Variants in SNAP25 observed in about 807,000 individuals in gnomAD.
SNAP25 encodes synaptosomal-associated protein 25.
In SNAP25, 3 loss-of-function variants were observed where a neutral mutation model predicts 28.7. The ratio of observed to expected loss-of-function variants is 0.10; its 90% CI spans 0.05 to 0.27. The LOEUF (loss-of-function observed/expected upper bound fraction) is 0.27. Ranked by LOEUF, SNAP25 falls within the 10% of genes least tolerant of loss-of-function variation. The pLI is 1.00. For missense variants in SNAP25, 117 were observed against 278.7 expected, an observed-to-expected ratio of 0.42 and a Z score of 4.13; for synonymous variants, 61 against 88.1, an observed-to-expected ratio of 0.69 and a Z score of 1.72.
chr20:10,277,030 A>G (rs1397942866), intron 2 of SNAP25, among the ~76,000 whole-genome samples: 2 of 152,204 alleles, frequency 1.3e-5, no homozygotes, highest in African/African-American at 4.8e-5. Context: ...TGGTTGTTGG[A>G]TTCTAGTCGT....
intron 1 of SNAP25, among the ~76,000 whole-genome samples, chr20:10,272,356 C>G (rs1402300194): frequency 6.6e-6 from 1 of 152,188 alleles, no homozygotes; most frequent in African/African-American, 2.4e-5. Flanking sequence ...CTTCTGAGCG[C>G]CAGAGCCAGC....
intron 4 of SNAP25, among the ~76,000 whole-genome samples, chr20:10,292,006 C>G (rs362593): frequency 1.6e-4 from 24 of 152,326 alleles, no homozygotes; most frequent in African/African-American, 5.8e-4. Flanking sequence ...ATTTTTATGA[C>G]TATTGATCTA....
At chr20:10,270,497 G>A (rs9631157) in intron 1 of SNAP25, among the ~76,000 whole-genome samples, 36 of 152,112 alleles carry the variant, frequency 2.4e-4, no homozygotes, top group African/African-American at 8.4e-4. Flanking sequence ...TGAGGAGTTC[G>A]AGACCAGCCT....
chr20:10,220,614 A>G (rs1347110658), intron 1 of SNAP25, among the ~76,000 whole-genome samples: 1 of 152,234 alleles, frequency 6.6e-6, no homozygotes, highest in Non-Finnish European at 1.5e-5. Context: ...TGAGAGAGCA[A>G]AAGTCATCAG....
At chr20:10,284,855 C>T (rs1488838479) in intron 4 of SNAP25, 83 bp downstream of exon 4, 14 of 1,108,262 alleles carry the variant, frequency 1.3e-5, no homozygotes, top group South Asian at 1.3e-4. Context: ...CGCAGATGGT[C>T]GCTTTGACAT....
At chr20:10,233,331 G>A (rs117685081) in intron 1 of SNAP25, among the ~76,000 whole-genome samples, 5,850 of 149,254 alleles carry the variant, frequency 0.039, 132 homozygotes, top group Non-Finnish European at 0.055. Flanking sequence ...GACCTGCTTA[G>A]GCCACATCCC....
chr20:10,293,210 G>C lies in SNAP25; in HGVS notation c.213G>C (p.Met71Ile). 1 of 1,614,084 alleles carries C rather than the reference G, an allele frequency of 6.2e-7. No homozygotes were observed. Among genetic ancestry groups the C allele is most frequent in the Non-Finnish European group, 8.5e-7 (1 of 1,180,002 alleles). ...EEGMDQINKD[M>I]KEAEKNLTDL... is the part of the protein sequence containing the mutation. The stretch of plus-strand genomic sequence containing the variant: ...GGATGGACCAAATCAATAAGGACAT[G>C]AAAGAAGCAGAAAAGAATTTGACGG... The change falls in exon 5 of 8, where the codon ATG (methionine) becomes ATC (isoleucine). Residue 71 changes from methionine (M) to isoleucine (I), a missense_variant. Physicochemically the swap from Met to Ile is conservative, Grantham distance 10. This residue lies in a region of SNAP25 where 88 missense variants were observed against 206.9 expected (regional missense o/e 0.43). Transcript: ENST00000254976. The surrounding 1 kb of genome is among the most constrained non-coding windows in gnomAD (Gnocchi z 5.6).
At chr20:10,255,167 A>G (rs1320610734) in intron 1 of SNAP25, among the ~76,000 whole-genome samples, 1 of 152,210 alleles carries the variant, frequency 6.6e-6, no homozygotes, top group African/African-American at 2.4e-5. Context: ...AAGTGGGCCC[A>G]CGGATAAGAA....
rs942607207 is a variant in SNAP25, at chr20:10,306,314, G to A, written c.*117G>A. 1 of 851,272 alleles carries A rather than the reference G, an allele frequency of 1.2e-6. No individual in the cohort carries two copies. Among genetic ancestry groups the A allele is most frequent in the Non-Finnish European group, 1.9e-6 (1 of 521,214 alleles). The allele number at this position is 851,272 out of a possible 1,614,324, so 52.7% of individuals were successfully genotyped here. A position where few individuals can be genotyped will look rare whatever the true frequency, so the allele number is the denominator to read the frequency against. On this transcript the variant is annotated 3_prime_UTR_variant, in exon 8 of 8. Transcript: ENST00000254976. The stretch of plus-strand genomic sequence containing the variant: ...TAACACACATCAGTCCACCCCCATT[G>A]TGAATGTTGTCCTGTGTCATCTGTC...
intron 1 of SNAP25, chr20:10,231,651 C>T (rs1344853621): frequency 6.6e-6 from 1 of 152,092 alleles, no homozygotes; most frequent in African/African-American, 2.4e-5. Context: ...TTCTCATAAC[C>T]CTGAGCTATC....
rs374557936 is a variant in SNAP25 at position 10,239,650 on chromosome 20, C to T, written c.-64+20673C>T. ...CTCTGCCAAATGCAGTAGGTAATCT[C>T]AACATTTCCACTTACAAATGGGGAA... On this transcript the variant is annotated intron_variant, in intron 1 of 7. Transcript: ENST00000254976. 2.0e-5 allele frequency among the ~76,000 whole-genome samples: 3 copies of T among 152,190 alleles called. No individual in the cohort carries two copies. In the East Asian group the frequency reaches 5.8e-4, roughly 29 times the overall value.
chr20:10,246,266 C>T (rs1035877935), intron 1 of SNAP25, among the ~76,000 whole-genome samples: 3 of 152,072 alleles, frequency 2.0e-5, no homozygotes, highest in Non-Finnish European at 4.4e-5. Context: ...TGTGTGTGCA[C>T]GTGCGTGCAT....
intron 4 of SNAP25, among the ~76,000 whole-genome samples, chr20:10,288,822 CT>C (rs573863106): frequency 0.031 from 4,366 of 140,990 alleles, 164 homozygotes; most frequent in African/African-American, 0.096. Context: ...AACTTAGGAC[CT>C]TTTTTTTTTT....
At chr20:10,253,232 G>A (rs1002664238) in intron 1 of SNAP25, among the ~76,000 whole-genome samples, 3 of 152,194 alleles carry the variant, frequency 2.0e-5, no homozygotes, top group Non-Finnish European at 4.4e-5. Flanking sequence ...GTAGATGAGA[G>A]CTAAAGCAGG....
intron 1 of SNAP25, among the ~76,000 whole-genome samples, chr20:10,242,612 G>C (rs1397507937): frequency 1.3e-5 from 2 of 152,268 alleles, no homozygotes; most frequent in East Asian, 1.9e-4. Context: ...GACTAAGAAA[G>C]TGTCCTGCTG....
chr20:10,305,707 A>G (rs1345790596), intron 7 of SNAP25, among the ~76,000 whole-genome samples: 5 of 152,190 alleles, frequency 3.3e-5, no homozygotes, highest in African/African-American at 1.2e-4. Context: ...TCAAAGGGAC[A>G]CTGCTAATAA....
At position 10,303,160 on chromosome 20, in the gene SNAP25, C is replaced by T. The variant is rs12373877; in HGVS notation, c.553-2969C>T. Among the ~76,000 whole-genome samples, 1,151 of 152,234 alleles carry T rather than the reference C, an allele frequency of 7.6e-3. 16 individuals carry two copies. Among genetic ancestry groups the T allele is most frequent in the African/African-American group, 0.027 (1,104 of 41,532 alleles). On this transcript the variant is annotated intron_variant, in intron 7 of 7. Coordinates refer to ENST00000254976, the MANE Select transcript of SNAP25 (RefSeq NM_130811.4). ...AGGAACATTTCACATTGCTCTGATC[C>T]TGTAACTTTCCTTTGCACTGAAGTG...
At chr20:10,251,412 T>C (rs1000175754) in intron 1 of SNAP25, among the ~76,000 whole-genome samples, 2 of 152,120 alleles carry the variant, frequency 1.3e-5, no homozygotes, top group African/African-American at 4.8e-5. Flanking sequence ...CTCCAGGAGA[T>C]GCCATTTGTT....
At chr20:10,260,959 C>T (rs906680803) in intron 1 of SNAP25, among the ~76,000 whole-genome samples, 1 of 152,166 alleles carries the variant, frequency 6.6e-6, no homozygotes, top group Non-Finnish European at 1.5e-5. Flanking sequence ...TGCTAACTGC[C>T]TATCCTAGAA....
Sources: gnomAD v4.1 joint callset for allele counts (sites outside exome capture counted in the v4.1 genomes callset) on GRCh38, gnomAD v4.1.1 for gene constraint, gnomAD v4.1.1 regional missense constraint, Gnocchi (gnomAD v3.1) non-coding constraint, MANE v1.5 for transcripts, NCBI Gene and HGNC (gene_info 2026-07-23, HGNC 2026-07-21) for gene names.